The following ADGRA3 variants were observed in gnomAD, a reference collection of about 807,000 sequenced individuals.
ADGRA3 encodes the protein adhesion G protein-coupled receptor A3, also known as G-protein coupled receptor 125.
A neutral mutation model predicts 119.8 loss-of-function variants in ADGRA3; 56 were observed. That is an observed-to-expected ratio of 0.47 (90% confidence interval 0.38 to 0.58). The LOEUF (loss-of-function observed/expected upper bound fraction) is 0.58, where lower values mean the gene tolerates loss of function less well. Among genes scored for constraint, ADGRA3 ranks in the 20% least tolerant of loss-of-function variants. ADGRA3 has a pLI of 0.00. For synonymous variants in ADGRA3, 607 were observed against 623.8 expected (o/e 0.97, Z 0.40); for missense variants, 1,516 against 1,649.0 (o/e 0.92, Z 1.40).
rs771060130 is a variant in ADGRA3 at position 22,388,767 on chromosome 4, G to A, written c.2904C>T (p.Gly968=). ...EQQRLAANEN[G]EINHQDSMSL... is the part of the protein sequence containing the mutation. Reference sequence around the variant, plus strand: ...ACATTGAATCCTGATGATTTATTTCGCCATTTTCATTGGCTGCCAATCTCT... The same window carrying A: ...ACATTGAATCCTGATGATTTATTTCACCATTTTCATTGGCTGCCAATCTCT... Residue 968 remains glycine, a synonymous_variant, in exon 19 of 19, where the codon GGC becomes GGT. Coordinates refer to ENST00000334304, the MANE Select transcript of ADGRA3 (RefSeq NM_145290.4). 8 of 1,613,920 alleles carry A rather than the reference G, an allele frequency of 5.0e-6. No individual in the cohort carries two copies. The Admixed American group carries it at 5.0e-5, about 10-fold the overall frequency.
chr4:22,444,367 C>T (rs1176121528), intron 6 of ADGRA3, among the ~76,000 whole-genome samples: 3 of 151,996 alleles, frequency 2.0e-5, no homozygotes, highest in African/African-American at 7.2e-5. Context: ...CTCACTGAAA[C>T]CTCCACCTCC....
rs567550630 is a variant in ADGRA3 at position 22,459,472 on chromosome 4, T to TA, written c.401+2264dup. On this transcript the variant is annotated intron_variant, in intron 3 of 18. Transcript: ENST00000334304. ...CACTTGTACCCCTGAACTAAAAAGT[T>TA]AAAAAAAAAAATAAAGAAATAGGTT... 1.2e-3 allele frequency among the ~76,000 whole-genome samples: 170 copies of TA among 145,552 alleles called. 1 individual carries two copies. The highest frequency in any genetic ancestry group is 2.7e-3 in the Admixed American group (40 of 14,592).
Position 22,477,028 on chromosome 4 carries a change from T to C in ADGRA3, c.258-3185A>G, listed in dbSNP as rs548335845. ...TTCGAAATCTCTAAAATAAGACTTT[T>C]ATTTTTTTAAGTATTTTTCCTCCTG... On this transcript the variant is annotated intron_variant, in intron 1 of 18. Transcript: ENST00000334304. Among the ~76,000 whole-genome samples the C allele has an allele frequency of 6.6e-5, 10 of 152,322 alleles. No individual in the cohort carries two copies. In the South Asian group the frequency reaches 1.9e-3, roughly 28 times the overall value.
At chr4:22,479,160 T>A (rs1367900610) in intron 1 of ADGRA3, among the ~76,000 whole-genome samples, 1 of 152,066 alleles carries the variant, frequency 6.6e-6, no homozygotes, top group Non-Finnish European at 1.5e-5. Context: ...CCAGTTAGAA[T>A]GGTGATCATT....
chr4:22,444,369 TC>T (rs1393783750), intron 6 of ADGRA3, among the ~76,000 whole-genome samples: 1 of 152,092 alleles, frequency 6.6e-6, no homozygotes, highest in African/African-American at 2.4e-5. Context: ...CACTGAAACC[TC>T]CACCTCCTGG....
chr4:22,392,766 C>A, intron 16 of ADGRA3, 76 bp from the exon 17 acceptor site: 1 of 1,343,712 alleles, frequency 7.4e-7, no homozygotes, highest in Non-Finnish European at 1.0e-6. Context: ...TGGTAAGTAA[C>A]TCAGAAGTCT....
intron 2 of ADGRA3, among the ~76,000 whole-genome samples, chr4:22,465,211 A>G (rs1248514976): frequency 1.3e-5 from 2 of 152,192 alleles, no homozygotes; most frequent in Non-Finnish European, 2.9e-5. Flanking sequence ...TTGGGGGAGC[A>G]GCCTTCTCCA....
chr4:22,465,650 G>A (rs1717630157), intron 2 of ADGRA3, among the ~76,000 whole-genome samples: 1 of 152,170 alleles, frequency 6.6e-6, no homozygotes, highest in Non-Finnish European at 1.5e-5. Flanking sequence ...ACCCTAGGAG[G>A]CAGTGTCATT....
chr4:22,434,143 T>C (rs1472214222), intron 10 of ADGRA3, among the ~76,000 whole-genome samples: 1 of 148,026 alleles, frequency 6.8e-6, no homozygotes, highest in African/African-American at 2.5e-5. Flanking sequence ...TATAACAATA[T>C]ATCTATATTA....
intron 10 of ADGRA3, among the ~76,000 whole-genome samples, chr4:22,427,117 A>T (rs1227120769): frequency 6.6e-6 from 1 of 152,216 alleles, no homozygotes; most frequent in Non-Finnish European, 1.5e-5. Context: ...TGCAAAAATA[A>T]AAGAGGTAAA....
At chr4:22,412,130 T>C (rs1715231960) in intron 14 of ADGRA3, among the ~76,000 whole-genome samples, 1 of 152,136 alleles carries the variant, frequency 6.6e-6, no homozygotes, top group African/African-American at 2.4e-5. Flanking sequence ...AGAAAACAGA[T>C]TTACAGCTGG....
rs1267146416 is a variant in ADGRA3 at position 22,418,580 on chromosome 4, G to C, written c.1809+2306C>G. Among the ~76,000 whole-genome samples, 3 of 152,124 alleles carry C rather than the reference G, an allele frequency of 2.0e-5. No homozygotes were observed. In the East Asian group the frequency reaches 5.8e-4, roughly 30 times the overall value. On this transcript the variant is annotated intron_variant, in intron 12 of 18. Transcript: ENST00000334304. ...TTGCTGTTGCTGGATAAAAGGGAGA[G>C]GTGGGAAGTACTGTGGAGAGAGAGG...
chr4:22,473,108 A>G (rs917601854), intron 2 of ADGRA3: 1 of 152,176 alleles, frequency 6.6e-6, no homozygotes, highest in South Asian at 2.1e-4. Flanking sequence ...TTTCCCCTTG[A>G]CATCACATCC....
chr4:22,444,205 C>T (rs1381758706), intron 6 of ADGRA3, among the ~76,000 whole-genome samples: 4 of 152,126 alleles, frequency 2.6e-5, no homozygotes, highest in African/African-American at 9.7e-5. Flanking sequence ...TGCTTATACA[C>T]AGAGTCTGAA....
Position 22,513,881 on chromosome 4 carries a change from T to G in ADGRA3, c.257+1647A>C, listed in dbSNP as rs548464006. On this transcript the variant is annotated intron_variant, in intron 1 of 18. Transcript: ENST00000334304. ...AAAAAAAAAAAAAAAAAAACTGGATTGAAATGACATTTCATAGTTACTTAT... is the reference window on the plus strand; with the variant it reads ...AAAAAAAAAAAAAAAAAAACTGGATGGAAATGACATTTCATAGTTACTTAT... Among the ~76,000 whole-genome samples the G allele has an allele frequency of 3.5e-5, 5 of 143,924 alleles. No individual in the cohort carries two copies. In the East Asian group the frequency reaches 9.8e-4, roughly 28 times the overall value. 94.4% of individuals were successfully genotyped at this position (143,924 alleles called of 152,430 possible).
Position 22,387,766 on chromosome 4 carries a change from A to G in ADGRA3, c.3905T>C (p.Leu1302Pro). 3.7e-6 allele frequency: 6 copies of G among 1,614,060 alleles called. No homozygotes were observed. The highest frequency in any genetic ancestry group is 1.1e-5 in the South Asian group (1 of 91,076). Residue 1302 changes from leucine (L) to proline (P), a missense_variant, in exon 19 of 19, where the codon CTC (leucine) becomes CCC (proline). By Grantham distance (98) the Leu-to-Pro change is moderately conservative. Transcript: ENST00000334304. The stretch of plus-strand genomic sequence containing the variant: ...AACATTGCCAGTGCTATCGGTACCG[A>G]GCAAGGGTCCCTCCTGCCCATTGCT... ...IKSNGQEGPL[L>P]GTDSTGNVRT...
At chr4:22,462,850 A>G (rs890363520) in intron 2 of ADGRA3, among the ~76,000 whole-genome samples, 7 of 152,208 alleles carry the variant, frequency 4.6e-5, no homozygotes, top group African/African-American at 1.7e-4. Flanking sequence ...TTTTGCAGAC[A>G]CACTATGGCT....
At chr4:22,457,104 A>G (rs973165872) in intron 3 of ADGRA3, among the ~76,000 whole-genome samples, 2 of 152,216 alleles carry the variant, frequency 1.3e-5, no homozygotes, top group African/African-American at 2.4e-5. Context: ...CAATTTCATT[A>G]CAGCTATACC....
chr4:22,433,679 G>A (rs1332805804), intron 10 of ADGRA3, among the ~76,000 whole-genome samples: 4 of 152,298 alleles, frequency 2.6e-5, no homozygotes, highest in Non-Finnish European at 5.9e-5. Context: ...GATGGCGAAT[G>A]TTCTTCCATG....
Sources: gnomAD v4.1 joint callset for allele counts (sites outside exome capture counted in the v4.1 genomes callset) on GRCh38, gnomAD v4.1.1 for gene constraint, MANE v1.5 for transcripts, NCBI Gene and HGNC (gene_info 2026-07-23, HGNC 2026-07-21) for gene names.